The following AKNA variants were observed in gnomAD, a reference collection of about 807,000 sequenced individuals.
The protein encoded by AKNA is microtubule organization protein AKNA.
A neutral mutation model predicts 138.8 loss-of-function variants in AKNA; 67 were observed. That is an observed-to-expected ratio of 0.48 (90% CI 0.40 to 0.59). The LOEUF (loss-of-function observed/expected upper bound fraction) is 0.59, where lower values mean the gene tolerates loss of function less well. Ranked by LOEUF, AKNA falls within the 20% of genes least tolerant of loss-of-function variation. AKNA has a pLI of 0.00. For missense variants in AKNA, 1,813 were observed against 1,880.4 expected, an observed-to-expected ratio of 0.96 and a Z score of 0.66; for synonymous variants, 737 against 754.4, an observed-to-expected ratio of 0.98 and a Z score of 0.38.
upstream of AKNA, among the ~76,000 whole-genome samples, chr9:114,398,048 C>T (rs1159520894): frequency 1.3e-5 from 2 of 152,186 alleles, no homozygotes; most frequent in Non-Finnish European, 2.9e-5. This position sits in a 1 kb window ranked among gnomAD's most constrained non-coding sequence, Gnocchi z 4.2. Flanking sequence ...GCCCGAGGCC[C>T]CGCCAAGGCC....
chr9:114,374,830 C>T (rs1174675920), intron 3 of AKNA, among the ~76,000 whole-genome samples: 1 of 152,204 alleles, frequency 6.6e-6, no homozygotes, highest in Non-Finnish European at 1.5e-5. Flanking sequence ...GTAACGGTAA[C>T]AGTAAAAGGA....
At chr9:114,341,851 G>T in intron 20 of AKNA, 126 bp from the exon 21 acceptor site, 2 of 1,309,398 alleles carry the variant, frequency 1.5e-6, no homozygotes, top group Non-Finnish European at 1.1e-6. Flanking sequence ...GAGACTCCAT[G>T]TCGGGGAGGT....
chr9:114,349,111 G>C (rs1430866307), intron 15 of AKNA: 2 of 374,422 alleles, frequency 5.3e-6, no homozygotes, highest in Non-Finnish European at 1.1e-5. Flanking sequence ...GTGGCTACTG[G>C]AGAGTGACAT....
downstream of AKNA, among the ~76,000 whole-genome samples, chr9:114,332,391 T>C (rs2131731798): frequency 6.6e-6 from 1 of 152,246 alleles, no homozygotes; most frequent in Admixed American, 6.5e-5. Flanking sequence ...AAATGAAAAT[T>C]ACTGTATAAT....
At chr9:114,343,931 G>T in intron 18 of AKNA, 128 bp from the exon 19 acceptor site, 1 of 803,234 alleles carries the variant, frequency 1.2e-6, no homozygotes, top group Non-Finnish European at 2.0e-6. Flanking sequence ...TCTCACGTGT[G>T]CACACGGTGA....
Position 114,358,076 on chromosome 9 carries a change from C to T in AKNA, c.2584G>A (p.Glu862Lys). Residue 862 changes from glutamate (E) to lysine (K), a missense_variant, in exon 12 of 22, where the codon GAG (glutamate) becomes AAG (lysine). By Grantham distance (56) the Glu-to-Lys change is moderately conservative. Coordinates refer to ENST00000374088, the MANE Select transcript of AKNA (RefSeq NM_001317950.2). ...DGHMSGLGKA[E>K]AAPPGPGVPP... is the part of the protein sequence containing the mutation. ...ACGCCAGGGCCTGGAGGGGCTGCCT[C>T]AGCCTTGCCCAGGCCTGACATGTGC... 6 of 1,613,892 alleles carry T rather than the reference C, an allele frequency of 3.7e-6. No homozygotes were observed. Among genetic ancestry groups the T allele is most frequent in the Middle Eastern group, 1.7e-4 (1 of 6,046 alleles).
At chr9:114,387,330 G>C (rs1834108829) in intron 1 of AKNA, among the ~76,000 whole-genome samples, 1 of 152,236 alleles carries the variant, frequency 6.6e-6, no homozygotes, top group South Asian at 2.1e-4. Flanking sequence ...CGAGGAGAAA[G>C]AGAAACGGTG....
rs753245670 is a variant in AKNA, at chr9:114,359,780, T to C, written c.2306A>G (p.Lys769Arg). 6.5e-5 allele frequency: 104 copies of C among 1,599,328 alleles called. No homozygotes were observed. The highest frequency in any genetic ancestry group is 8.3e-5 in the Non-Finnish European group (97 of 1,171,790). Residue 769 changes from lysine to arginine, a missense_variant, in exon 11 of 22, where the codon AAG (lysine) becomes AGG (arginine). Lys to Arg is a conservative substitution (Grantham distance 26). Coordinates refer to ENST00000374088, the MANE Select transcript of AKNA (RefSeq NM_001317950.2). The part of the protein sequence containing the change: ...HGLMERYLSV[K>R]SLPEAMRMEE... Reference sequence around the variant, plus strand: ...CATTCTCATGGCTTCTGGGAGAGACTTCACACTGAGGTACCTGCAGAAGAA... The same window carrying C: ...CATTCTCATGGCTTCTGGGAGAGACCTCACACTGAGGTACCTGCAGAAGAA...
upstream of AKNA, among the ~76,000 whole-genome samples, chr9:114,389,051 G>C (rs991048552): frequency 6.6e-6 from 1 of 152,146 alleles, no homozygotes; most frequent in South Asian, 2.1e-4. Flanking sequence ...GGTCAGGAAG[G>C]TCTCTATGAG....
At chr9:114,395,921 G>A (rs1350001065), upstream of AKNA, among the ~76,000 whole-genome samples, 1 of 152,094 alleles carries the variant, frequency 6.6e-6, no homozygotes, top group Non-Finnish European at 1.5e-5. Flanking sequence ...AGCACACCCT[G>A]CACACCCCAA....
chr9:114,355,897 T>TCTGTCCAAGTCAGACTCCTGCACTCACC (rs753551905), intron 14 of AKNA, 28 bp downstream of exon 14: 2 of 1,609,428 alleles, frequency 1.2e-6, no homozygotes, highest in South Asian at 2.2e-5. Flanking sequence ...CCCATGCAGT[T>TCTGTCCAAGTCAGACTCCTGCACTCACC]CTGTCCAAGT....
Position 114,347,830 on chromosome 9 carries a change from G to A in AKNA, c.3292C>T (p.Pro1098Ser). The change falls in exon 16 of 22, where the codon CCA becomes TCA. Residue 1098 changes from proline (P) to serine (S), a missense_variant. Coordinates refer to ENST00000374088, the MANE Select transcript of AKNA (RefSeq NM_001317950.2). Reference sequence around the variant, plus strand: ...GGGCGTGTCGGGCTGCCCTGGAGTGGCTGGTGCAGGCTGTCTTCCAGCCGC... The same window carrying A: ...GGGCGTGTCGGGCTGCCCTGGAGTGACTGGTGCAGGCTGTCTTCCAGCCGC... Reference protein sequence around the residue: ...RLRLEDSLHQPLQGSPTRPAS... With the variant: ...RLRLEDSLHQSLQGSPTRPAS... The A allele has an allele frequency of 6.4e-7, 1 of 1,550,910 alleles. No homozygotes were observed. The highest frequency in any genetic ancestry group is 8.7e-7 in the Non-Finnish European group (1 of 1,147,256).
At chr9:114,388,401 T>G (rs1380216613), upstream of AKNA, among the ~76,000 whole-genome samples, 1 of 152,182 alleles carries the variant, frequency 6.6e-6, no homozygotes, top group African/African-American at 2.4e-5. Flanking sequence ...AGGGCCCATG[T>G]GCACGGTGAG....
intron 6 of AKNA, 22 bp downstream of exon 6, chr9:114,367,521 G>A (rs1003841926): frequency 1.9e-6 from 3 of 1,610,712 alleles, no homozygotes; most frequent in Admixed American, 3.3e-5. Flanking sequence ...TCTCTCGGGG[G>A]CAAAGCTGGG....
rs118048731 is a variant in AKNA, at chr9:114,366,559, T to C, written c.1728+984A>G. On this transcript the variant is annotated intron_variant, in intron 6 of 21. Coordinates refer to ENST00000374088, the MANE Select transcript of AKNA (RefSeq NM_001317950.2). ...AATGTTCTAAAACTGACTGTGGTGA[T>C]AGTGGCAGAACTGCAAATATACTAA... Among the ~76,000 whole-genome samples the C allele has an allele frequency of 3.9e-5, 6 of 152,194 alleles. No individual in the cohort carries two copies. In the East Asian group the frequency reaches 7.7e-4, roughly 20 times the overall value.
At chr9:114,378,724 C>G (rs1190294612) in intron 2 of AKNA, among the ~76,000 whole-genome samples, 2 of 152,198 alleles carry the variant, frequency 1.3e-5, no homozygotes, top group Non-Finnish European at 2.9e-5. Context: ...TCCCAACATC[C>G]ATCCATCTAC....
rs1282791054 is a variant in AKNA, at chr9:114,334,794, G to A, written c.*2260C>T. 2.1e-5 allele frequency: 3 copies of A among 143,174 alleles called. No individual in the cohort carries two copies. The East Asian group carries it at 5.8e-4, about 28-fold the overall frequency. The allele number at this position is 143,174 out of a possible 1,614,324, so 8.9% of individuals were successfully genotyped here. ...CATGAGCCCGAGGCCCTGATGTCCTGGGGTCTAGTCCTGTGTCCACAGGCA... is the reference window on the plus strand; with the variant it reads ...CATGAGCCCGAGGCCCTGATGTCCTAGGGTCTAGTCCTGTGTCCACAGGCA... On this transcript the variant is annotated 3_prime_UTR_variant, in exon 22 of 22. Transcript: ENST00000374088.
rs373317624 is a variant in AKNA, at chr9:114,381,280, G to T, written c.54C>A (p.Gly18=). Residue 18 remains glycine (G), a synonymous_variant, in exon 2 of 22, where the codon GGC becomes GGA. Coordinates refer to ENST00000374088, the MANE Select transcript of AKNA (RefSeq NM_001317950.2). ...IRWAEPGLGK[G]PQRRRWAWAE... ...CCCAGGCCCAGCGCCGCCGCTGGGGGCCCTTCCCCAGGCCAGGCTCAGCCC... is the reference window on the plus strand; with the variant it reads ...CCCAGGCCCAGCGCCGCCGCTGGGGTCCCTTCCCCAGGCCAGGCTCAGCCC... 6 of 1,612,082 alleles carry T rather than the reference G, an allele frequency of 3.7e-6. No individual in the cohort carries two copies. In the African/African-American group the frequency reaches 6.7e-5, roughly 18 times the overall value.
intron 12 of AKNA, among the ~76,000 whole-genome samples, chr9:114,357,458 G>A (rs1452650251): frequency 1.3e-5 from 2 of 152,220 alleles, no homozygotes; most frequent in Non-Finnish European, 2.9e-5. Context: ...GCCTGCCCTC[G>A]CTGAGTTCAT....
Sources: gnomAD v4.1 joint callset for allele counts (sites outside exome capture counted in the v4.1 genomes callset) on GRCh38, gnomAD v4.1.1 for gene constraint, Gnocchi (gnomAD v3.1) non-coding constraint, MANE v1.5 for transcripts, NCBI Gene and HGNC (gene_info 2026-07-23, HGNC 2026-07-21) for gene names.